ABI3BP: variants seen among roughly 807,000 people sequenced by gnomAD.
ABI3BP encodes ABI family member 3 binding protein, also known as target of Nesh-SH3.
Under a neutral mutation model 268.6 loss-of-function variants are expected in ABI3BP, and 216 were observed. The observed-to-expected ratio is 0.80, with a 90% CI of 0.72 to 0.90. The LOEUF is 0.90. Among genes scored for constraint, ABI3BP ranks in the 40% least tolerant of loss-of-function variants. The probability of loss-of-function intolerance (pLI) is 0.00; values close to 1 mark genes in which losing one functional copy is unlikely to be tolerated. For missense variants in ABI3BP, 2,090 were observed against 2,182.4 expected (o/e 0.96, Z 0.84); for synonymous variants, 730 against 730.0 (o/e 1.00, Z 0.00).
At chr3:100,811,127 G>T in intron 48 of ABI3BP, 103 bp downstream of exon 48, 1 of 934,142 alleles carries the variant, frequency 1.1e-6, no homozygotes, top group Non-Finnish European at 1.5e-6. Flanking sequence ...GGCGAAGAGT[G>T]ACGGTGTAAC....
At position 100,846,318 on chromosome 3, in the gene ABI3BP, G is replaced by A. The variant is rs139802817; in HGVS notation, c.1723+54C>T. The A allele has an allele frequency of 2.3e-3, 2,783 of 1,190,976 alleles. 43 individuals are homozygous for A. The African/African-American group carries it at 0.038, about 16-fold the overall frequency. 73.8% of individuals were successfully genotyped at this position (1,190,976 alleles called of 1,614,324 possible). A position where few individuals can be genotyped will look rare whatever the true frequency, so the allele number is the denominator to read the frequency against. On this transcript the variant is annotated intron_variant, in intron 20 of 67. Transcript: ENST00000471714. ...AATTCTTGCTCCAAATAATTGCAAA[G>A]AACTTGTTTTCAACCCCACTTTTGG...
intron 57 of ABI3BP, among the ~76,000 whole-genome samples, chr3:100,783,460 ATGT>A (rs1474488271): frequency 1.3e-5 from 2 of 152,180 alleles, no homozygotes; most frequent in Non-Finnish European, 2.9e-5. Context: ...CTTTCAATAA[ATGT>A]TGGTTGAATG....
intron 6 of ABI3BP, among the ~76,000 whole-genome samples, chr3:100,880,738 A>G (rs989294662): frequency 2.0e-5 from 3 of 152,198 alleles, no homozygotes; most frequent in Non-Finnish European, 2.9e-5. Flanking sequence ...ACACATGACA[A>G]GGAACTTGCG....
At chr3:100,882,665 C>T (rs979532788) in intron 6 of ABI3BP, among the ~76,000 whole-genome samples, 2 of 151,900 alleles carry the variant, frequency 1.3e-5, no homozygotes, top group Non-Finnish European at 2.9e-5. Context: ...CTTCCTAGCC[C>T]TTCCTATCAT....
chr3:100,945,107 C>T (rs1017340273), intron 1 of ABI3BP, among the ~76,000 whole-genome samples: 1 of 152,136 alleles, frequency 6.6e-6, no homozygotes, highest in African/African-American at 2.4e-5. Flanking sequence ...GTGTCTCTAA[C>T]ATCTCATCCA....
At chr3:100,964,424 G>A (rs772187966) in intron 1 of ABI3BP, among the ~76,000 whole-genome samples, 31 of 152,214 alleles carry the variant, frequency 2.0e-4, no homozygotes, top group Middle Eastern at 3.4e-3. Flanking sequence ...GCCGCCAGCC[G>A]GTCCTTTCTG....
chr3:100,978,421 G>A (rs182492894), intron 1 of ABI3BP, among the ~76,000 whole-genome samples: 2 of 152,174 alleles, frequency 1.3e-5, no homozygotes, highest in East Asian at 3.9e-4. Flanking sequence ...ATATGCCTCT[G>A]GTTAATATTA....
intron 1 of ABI3BP, among the ~76,000 whole-genome samples, chr3:100,977,460 T>G (rs930198041): frequency 2.0e-5 from 3 of 152,178 alleles, no homozygotes; most frequent in African/African-American, 7.2e-5. Context: ...TGACTGGGGC[T>G]GGAAGATGTG....
chr3:100,804,899 G>C (rs375921875), intron 50 of ABI3BP, 33 bp from the exon 51 acceptor site: 4 of 1,570,294 alleles, frequency 2.5e-6, no homozygotes, highest in East Asian at 2.2e-5. Flanking sequence ...TAAGTCATTT[G>C]GTTTCAGCAT....
intron 63 of ABI3BP, among the ~76,000 whole-genome samples, chr3:100,762,152 ATACT>A (rs139398155): frequency 0.012 from 1,770 of 152,264 alleles, 31 homozygotes; most frequent in African/African-American, 0.04. Flanking sequence ...CATCCTGTAC[ATACT>A]TCCTCTTTAT....
chr3:100,848,237 A>G (rs2098796801), intron 18 of ABI3BP, among the ~76,000 whole-genome samples: 1 of 152,210 alleles, frequency 6.6e-6, no homozygotes, highest in African/African-American at 2.4e-5. Flanking sequence ...AAAAAAATAG[A>G]AACATCACTC....
chr3:100,801,073 G>C (rs1311944721), intron 51 of ABI3BP, among the ~76,000 whole-genome samples: 1 of 151,930 alleles, frequency 6.6e-6, no homozygotes, highest in Non-Finnish European at 1.5e-5. Flanking sequence ...CCTAAGCATG[G>C]AACCAGGCAG....
chr3:100,990,071 G>T (rs941557804), intron 1 of ABI3BP, among the ~76,000 whole-genome samples: 1 of 152,144 alleles, frequency 6.6e-6, no homozygotes, highest in Non-Finnish European at 1.5e-5. Flanking sequence ...GCTAGAATGC[G>T]GTAGAAGCCT....
chr3:100,840,409 A>C (rs1200461200), intron 22 of ABI3BP, among the ~76,000 whole-genome samples: 2 of 152,212 alleles, frequency 1.3e-5, no homozygotes, highest in African/African-American at 4.8e-5. Context: ...GAAAATCTCA[A>C]AACTTTGTAC....
In ABI3BP at chr3:100,922,301, T is replaced by A. The variant is rs541903635; in HGVS notation, c.259+4001A>T. ...ATACAGCTTGTGGCAGAGAGGATAA[T>A]GCCCCCAACAAAGCTTGCTTACATC... On this transcript the variant is annotated intron_variant, in intron 2 of 67. Coordinates refer to ENST00000471714, the MANE Select transcript of ABI3BP (RefSeq NM_001375547.2). Among the ~76,000 whole-genome samples the A allele has an allele frequency of 4.6e-5, 7 of 152,298 alleles. No individual in the cohort carries two copies. In the South Asian group the frequency reaches 1.4e-3, roughly 32 times the overall value.
At chr3:100,755,243 G>A (rs1576579374) in intron 63 of ABI3BP, among the ~76,000 whole-genome samples, 1 of 152,184 alleles carries the variant, frequency 6.6e-6, no homozygotes, top group Non-Finnish European at 1.5e-5. Flanking sequence ...GGAGATTCAG[G>A]TAAGAATTTA....
intron 2 of ABI3BP, among the ~76,000 whole-genome samples, chr3:100,908,334 G>T (rs556125166): frequency 6.6e-6 from 1 of 152,000 alleles, no homozygotes; most frequent in Non-Finnish European, 1.5e-5. Context: ...AAAAAACAAC[G>T]GGACTGTTGA....
chr3:100,829,711 A>G (rs1255624413), intron 32 of ABI3BP, 47 bp from the exon 33 acceptor site: 2 of 1,392,500 alleles, frequency 1.4e-6, no homozygotes, highest in Non-Finnish European at 9.8e-7. Flanking sequence ...TGGTTCCGGA[A>G]GCTGTGGATA....
chr3:100,770,631 G>T, intron 62 of ABI3BP, 112 bp downstream of exon 62: 1 of 1,026,238 alleles, frequency 9.7e-7, no homozygotes, highest in Non-Finnish European at 1.3e-6. Context: ...TGCTAGTTTT[G>T]TCTCCTCCCC....
Sources: gnomAD v4.1 joint callset for allele counts (sites outside exome capture counted in the v4.1 genomes callset) on GRCh38, gnomAD v4.1.1 for gene constraint, MANE v1.5 for transcripts, NCBI Gene and HGNC (gene_info 2026-07-23, HGNC 2026-07-21) for gene names.